SCYL3: variants seen among roughly 807,000 people sequenced by gnomAD.
SCYL3 encodes protein-associating with the carboxyl-terminal domain of ezrin.
A neutral mutation model predicts 73.8 loss-of-function variants in SCYL3; 35 were observed. The ratio of observed to expected loss-of-function variants is 0.47; its 90% CI spans 0.36 to 0.63. The LOEUF is 0.63. Ranked by LOEUF, SCYL3 falls within the 20% of genes least tolerant of loss-of-function variation. The pLI, the probability that SCYL3 is intolerant of heterozygous loss-of-function variation, is 0.00. For synonymous variants in SCYL3, 277 were observed against 295.2 expected, an observed-to-expected ratio of 0.94 and a Z score of 0.63; for missense variants, 712 against 798.9, an observed-to-expected ratio of 0.89 and a Z score of 1.31.
chr1:169,865,187 TG>T (rs2102157879), intron 8 of SCYL3, among the ~76,000 whole-genome samples: 1 of 152,304 alleles, frequency 6.6e-6, no homozygotes, highest in Admixed American at 6.5e-5. Flanking sequence ...CATAGGCTTT[TG>T]TCACTATCCC....
intron 2 of SCYL3, among the ~76,000 whole-genome samples, chr1:169,885,526 G>A (rs6688834): frequency 2.1e-3 from 313 of 151,682 alleles, no homozygotes; most frequent in African/African-American, 7.2e-3. Flanking sequence ...GCCTAAACTA[G>A]AGAACAAAGA....
intron 3 of SCYL3, 58 bp from the exon 4 acceptor site, chr1:169,876,149 T>C: frequency 9.8e-7 from 1 of 1,015,808 alleles, no homozygotes; most frequent in Admixed American, 2.8e-5. Context: ...AATAGAAATT[T>C]ACTTCAAAAG....
chr1:169,858,980 T>A (rs1483857640), intron 11 of SCYL3, 61 bp downstream of exon 11: 7 of 1,453,132 alleles, frequency 4.8e-6, no homozygotes, highest in Non-Finnish European at 6.7e-6. Flanking sequence ...ACATTACTTA[T>A]ATAATACTAA....
chr1:169,867,196 G>C (rs1660091936), intron 7 of SCYL3, among the ~76,000 whole-genome samples: 1 of 152,190 alleles, frequency 6.6e-6, no homozygotes, highest in Non-Finnish European at 1.5e-5. Flanking sequence ...GAGGATACAA[G>C]TTTAAACACA....
intron 2 of SCYL3, among the ~76,000 whole-genome samples, chr1:169,882,440 C>T (rs1661350288): frequency 6.6e-6 from 1 of 152,192 alleles, no homozygotes; most frequent in Non-Finnish European, 1.5e-5. Flanking sequence ...ACCAGCGCCG[C>T]CCCCTGCTCC....
In SCYL3 at chr1:169,878,010, A is replaced by C. The variant is rs74773913; in HGVS notation, c.351+624T>G. Among the ~76,000 whole-genome samples, 1,089 of 152,318 alleles carry C rather than the reference A, an allele frequency of 7.1e-3. 12 individuals are homozygous for C. The highest frequency in any genetic ancestry group is 0.025 in the African/African-American group (1,024 of 41,560). On this transcript the variant is annotated intron_variant, in intron 3 of 12. Transcript: ENST00000367771. The stretch of plus-strand genomic sequence containing the variant: ...ACTGCCAAAGACCTTAATGCCTCAG[A>C]ATGCAAATACCATTAAGAAAACAGT...
chr1:169,882,501 T>A (rs1162772856), intron 2 of SCYL3, among the ~76,000 whole-genome samples: 1 of 152,054 alleles, frequency 6.6e-6, no homozygotes, highest in Non-Finnish European at 1.5e-5. Flanking sequence ...TGCGGGCACA[T>A]GGCGTGGGAC....
chr1:169,880,305 A>G (rs1304208871), intron 2 of SCYL3, among the ~76,000 whole-genome samples: 2 of 152,208 alleles, frequency 1.3e-5, no homozygotes, highest in African/African-American at 4.8e-5. Flanking sequence ...AGACTTGAAG[A>G]ATTTCAGTGA....
intron 8 of SCYL3, among the ~76,000 whole-genome samples, chr1:169,865,941 A>G (rs1660006238): frequency 1.3e-5 from 2 of 152,128 alleles, no homozygotes; most frequent in South Asian, 2.1e-4. Flanking sequence ...ATTTGGGCTC[A>G]CTGTCCTTTT....
At chr1:169,875,560 G>A (rs1266467303) in intron 4 of SCYL3, among the ~76,000 whole-genome samples, 1 of 152,302 alleles carries the variant, frequency 6.6e-6, no homozygotes, top group Non-Finnish European at 1.5e-5. Context: ...CCTAGTATGT[G>A]CCAGGCACTA....
intron 1 of SCYL3, among the ~76,000 whole-genome samples, chr1:169,891,332 G>A (rs3753311): frequency 0.5 from 75,887 of 151,948 alleles, 19,512 homozygotes; most frequent in Middle Eastern, 0.61. Context: ...CAAGACTACC[G>A]GAAGCCCAGC....
At chr1:169,869,115 G>T in intron 6 of SCYL3, 76 bp from the exon 7 acceptor site, 2 of 1,161,164 alleles carry the variant, frequency 1.7e-6, no homozygotes, top group Non-Finnish European at 2.5e-6. Flanking sequence ...AGACTGCCGA[G>T]AGCAAAAACC....
rs75739679 is a variant in SCYL3, at chr1:169,855,914, C to T, written c.1313-950G>A. The T allele has an allele frequency of 4.3e-5, 70 of 1,613,724 alleles. No homozygotes were observed. In the African/African-American group the frequency reaches 6.3e-4, roughly 14 times the overall value. On this transcript the variant is annotated intron_variant, in intron 11 of 12. Transcript: ENST00000367771. The stretch of plus-strand genomic sequence containing the variant: ...TAGAGAAGGGGTTCTCCAAGATTGG[C>T]GAGATCTGACTGTGATGGCTGCAGA...
At chr1:169,858,632 G>A (rs1659376130) in intron 11 of SCYL3, among the ~76,000 whole-genome samples, 1 of 152,042 alleles carries the variant, frequency 6.6e-6, no homozygotes, top group Non-Finnish European at 1.5e-5. Flanking sequence ...AGCACACTAG[G>A]TTTGTTTACA....
At chr1:169,876,698 G>A (rs1034125882) in intron 3 of SCYL3, among the ~76,000 whole-genome samples, 2 of 152,072 alleles carry the variant, frequency 1.3e-5, no homozygotes, top group Non-Finnish European at 2.9e-5. Flanking sequence ...GCTCACGCCT[G>A]TAATCCCAGC....
In SCYL3 at chr1:169,852,919, T is replaced by A; in HGVS notation, c.*794A>T. 6.2e-7 allele frequency: 1 copy of A among 1,614,148 alleles called. No homozygotes were observed. Among genetic ancestry groups the A allele is most frequent in the East Asian group, 2.2e-5 (1 of 44,886 alleles). On this transcript the variant is annotated 3_prime_UTR_variant, in exon 13 of 13. Transcript: ENST00000367771. Reference sequence around the variant, plus strand: ...AAAGGGTCCTGCTCCAGCCTGGCTTTCAATGGAAATGGAGGCGCTCCAAGA... The same window carrying A: ...AAAGGGTCCTGCTCCAGCCTGGCTTACAATGGAAATGGAGGCGCTCCAAGA...
chr1:169,887,446 A>G (rs575279352), intron 2 of SCYL3, among the ~76,000 whole-genome samples: 190 of 152,338 alleles, frequency 1.2e-3, no homozygotes, highest in African/African-American at 4.5e-3. Flanking sequence ...ACTAAGAAAG[A>G]TAAGTCTCTA....
At chr1:169,862,833 A>T (rs1378968198) in intron 9 of SCYL3, 36 bp from the exon 10 acceptor site, 3 of 1,601,662 alleles carry the variant, frequency 1.9e-6, no homozygotes, top group Non-Finnish European at 2.6e-6. Context: ...ATGAAAAAAC[A>T]AATTTTCATT....
chr1:169,858,699 G>C (rs570943060), intron 11 of SCYL3, among the ~76,000 whole-genome samples: 1 of 151,902 alleles, frequency 6.6e-6, no homozygotes, highest in Non-Finnish European at 1.5e-5. Context: ...AACATCAACT[G>C]CCAATAGCAA....
Sources: allele counts gnomAD v4.1 joint callset (sites outside exome capture counted in the v4.1 genomes callset), GRCh38; gene constraint gnomAD v4.1.1; transcripts MANE v1.5; gene names NCBI Gene and HGNC (gene_info 2026-07-23, HGNC 2026-07-21).